GLI3: variants seen among roughly 807,000 people sequenced by gnomAD.
GLI3 encodes the protein transcription activator GLI3.
Under a neutral mutation model 100.8 loss-of-function variants are expected in GLI3, and 20 were observed. That is an observed-to-expected ratio of 0.20 (90% CI 0.14 to 0.29). The LOEUF is 0.29. Among genes scored for constraint, GLI3 ranks in the 10% least tolerant of loss-of-function variants. GLI3 has a pLI of 1.00. For synonymous variants in GLI3, 938 were observed against 860.5 expected (o/e 1.09, Z -1.58); for missense variants, 2,040 against 2,128.5 (o/e 0.96, Z 0.82).
chr7:42,215,500 C>T (rs761233077), intron 2 of GLI3, among the ~76,000 whole-genome samples: 11 of 152,228 alleles, frequency 7.2e-5, no homozygotes, highest in African/African-American at 2.6e-4. Context: ...ATCACCATTT[C>T]GCCGCTTAAG....
intron 1 of GLI3, among the ~76,000 whole-genome samples, chr7:42,234,848 T>C (rs79212655): frequency 0.064 from 9,815 of 152,226 alleles, 778 homozygotes; most frequent in African/African-American, 0.19. Flanking sequence ...TAGCTTTTAG[T>C]ATAAAATAAA....
At chr7:42,030,004 A>C (rs2128733910) in intron 7 of GLI3, among the ~76,000 whole-genome samples, 1 of 152,326 alleles carries the variant, frequency 6.6e-6, no homozygotes, top group South Asian at 2.1e-4. Flanking sequence ...TTGCTGCTGC[A>C]ACAAACAGCC....
At chr7:42,120,072 C>T (rs1483103769) in intron 3 of GLI3, among the ~76,000 whole-genome samples, 2 of 152,136 alleles carry the variant, frequency 1.3e-5, no homozygotes, top group Non-Finnish European at 2.9e-5. Flanking sequence ...CTTATGGATG[C>T]AACTTTAAAT....
At chr7:42,095,057 C>T (rs1308278940) in intron 3 of GLI3, among the ~76,000 whole-genome samples, 1 of 152,196 alleles carries the variant, frequency 6.6e-6, no homozygotes, top group Non-Finnish European at 1.5e-5. Flanking sequence ...AGAAAAGACA[C>T]CACAGACAAG....
intron 3 of GLI3, among the ~76,000 whole-genome samples, chr7:42,080,971 A>T (rs1221289729): frequency 6.6e-6 from 1 of 152,222 alleles, no homozygotes; most frequent in Non-Finnish European, 1.5e-5. Context: ...ATATGTAATA[A>T]GTTACTGCAC....
intron 3 of GLI3, among the ~76,000 whole-genome samples, chr7:42,118,976 C>A (rs1274816846): frequency 2.0e-5 from 3 of 152,186 alleles, no homozygotes; most frequent in Non-Finnish European, 4.4e-5. Context: ...TTCAGCAAGG[C>A]TCCTTCAACC....
intron 6 of GLI3, among the ~76,000 whole-genome samples, chr7:42,044,428 G>A (rs2128740703): frequency 6.6e-6 from 1 of 152,230 alleles, no homozygotes; most frequent in African/African-American, 2.4e-5. Flanking sequence ...CTGATGAGAG[G>A]TAATTATAGG....
chr7:42,116,795 C>A (rs748709787), intron 3 of GLI3, among the ~76,000 whole-genome samples: 1 of 151,874 alleles, frequency 6.6e-6, no homozygotes, highest in Non-Finnish European at 1.5e-5. Flanking sequence ...AAAGCTCCAT[C>A]ACTTTTAACA....
At chr7:42,239,015 ATTGT>A (rs934422465), upstream of GLI3, among the ~76,000 whole-genome samples, 2 of 152,224 alleles carry the variant, frequency 1.3e-5, no homozygotes, top group Non-Finnish European at 2.9e-5. Flanking sequence ...GGTGGTATTC[ATTGT>A]TTGTTTCTTG....
rs543723571 is a variant in GLI3, at chr7:42,171,350, T to C, written c.125-22882A>G. Among the ~76,000 whole-genome samples the C allele has an allele frequency of 1.0e-3, 153 of 152,268 alleles. 1 individual carries two copies. The highest frequency in any genetic ancestry group is 3.5e-3 in the African/African-American group (146 of 41,546). On this transcript the variant is annotated intron_variant, in intron 2 of 14. Transcript: ENST00000395925. Reference sequence around the variant, plus strand: ...CCTATGAAGAGAACTAAGGAGATAATAGGCCTAAGTACAGAAGAAGCAAAT... The same window carrying C: ...CCTATGAAGAGAACTAAGGAGATAACAGGCCTAAGTACAGAAGAAGCAAAT...
intron 3 of GLI3, among the ~76,000 whole-genome samples, chr7:42,143,343 C>T (rs555142392): frequency 6.6e-6 from 1 of 152,366 alleles, no homozygotes; most frequent in South Asian, 2.1e-4. Context: ...GCTCAGGGAA[C>T]TGTCACTGCC....
rs370457204 is a variant in GLI3 at position 42,040,001 on chromosome 7, T to C, written c.1028+37A>G. Reference sequence around the variant, plus strand: ...GGTGCAAACAAGTGCTGACATTACATTTAAAAAACACATAATGGATTCAGG... The same window carrying C: ...GGTGCAAACAAGTGCTGACATTACACTTAAAAAACACATAATGGATTCAGG... On this transcript the variant is annotated intron_variant, in intron 7 of 14. Transcript: ENST00000395925. The C allele has an allele frequency of 2.9e-5, 43 of 1,503,240 alleles. No homozygotes were observed. The African/African-American group carries it at 5.4e-4, about 19-fold the overall frequency. The allele number at this position is 1,503,240 out of a possible 1,614,324, so 93.1% of individuals were successfully genotyped here. A position where few individuals can be genotyped will look rare whatever the true frequency, so the allele number is the denominator to read the frequency against.
chr7:42,102,583 G>T (rs1785488114), intron 3 of GLI3, among the ~76,000 whole-genome samples: 1 of 152,250 alleles, frequency 6.6e-6, no homozygotes, highest in African/African-American at 2.4e-5. Context: ...CAGCCACCGA[G>T]CAGCTGTACA....
At chr7:42,118,899 T>C (rs984322014) in intron 3 of GLI3, among the ~76,000 whole-genome samples, 3 of 152,190 alleles carry the variant, frequency 2.0e-5, no homozygotes, top group Non-Finnish European at 4.4e-5. Flanking sequence ...TCAAACTCTT[T>C]CAAACTCAGC....
intron 2 of GLI3, among the ~76,000 whole-genome samples, chr7:42,162,077 T>C (rs1478694009): frequency 6.6e-6 from 1 of 152,194 alleles, no homozygotes; most frequent in Non-Finnish European, 1.5e-5. Flanking sequence ...CTGATTTTTC[T>C]AGATGAGAAA....
intron 2 of GLI3, among the ~76,000 whole-genome samples, chr7:42,161,977 C>T (rs918219531): frequency 5.9e-5 from 9 of 152,286 alleles, no homozygotes; most frequent in African/African-American, 2.2e-4. Flanking sequence ...CAGACTCATC[C>T]ATGTCAAGGG....
chr7:42,108,697 C>A (rs561591422), intron 3 of GLI3, among the ~76,000 whole-genome samples: 23 of 152,134 alleles, frequency 1.5e-4, no homozygotes, highest in African/African-American at 5.5e-4. Context: ...ATAAGCCACA[C>A]ACACAAATAG....
intron 2 of GLI3, among the ~76,000 whole-genome samples, chr7:42,181,379 T>C (rs564190784): frequency 1.3e-5 from 2 of 152,248 alleles, no homozygotes; most frequent in East Asian, 1.9e-4. Flanking sequence ...GGTGGGTGGA[T>C]ATCTTGAGCC....
At chr7:42,136,816 C>G (rs1051605551) in intron 3 of GLI3, among the ~76,000 whole-genome samples, 3 of 152,120 alleles carry the variant, frequency 2.0e-5, no homozygotes, top group African/African-American at 7.2e-5. Context: ...AGCCCCTGCC[C>G]AAAACTGGCA....
Sources: allele counts gnomAD v4.1 joint callset (sites outside exome capture counted in the v4.1 genomes callset), GRCh38; gene constraint gnomAD v4.1.1; transcripts MANE v1.5; gene names NCBI Gene and HGNC (gene_info 2026-07-23, HGNC 2026-07-21).